RARB: variants seen among roughly 807,000 people sequenced by gnomAD.
RARB encodes retinoic acid receptor beta.
A neutral mutation model predicts 51.9 loss-of-function variants in RARB; 17 were observed. That is an observed-to-expected ratio of 0.33 (90% CI 0.22 to 0.49). The LOEUF (loss-of-function observed/expected upper bound fraction) is 0.49, where lower values mean the gene tolerates loss of function less well. Among genes scored for constraint, RARB ranks in the 20% least tolerant of loss-of-function variants. The pLI is 0.99. For missense variants in RARB, 369 were observed against 550.8 expected (o/e 0.67, Z 3.30); for synonymous variants, 215 against 195.4 (o/e 1.10, Z -0.84).
intron 2 of RARB, among the ~76,000 whole-genome samples, chr3:24,958,298 T>C (rs1271496975): frequency 7.6e-6 from 1 of 131,610 alleles, no homozygotes; most frequent in East Asian, 2.6e-4. Context: ...TTAGCTGTCA[T>C]GGAGCCCTCA....
chr3:25,418,778 A>C (rs991211645), intron 5 of RARB, among the ~76,000 whole-genome samples: 6 of 152,270 alleles, frequency 3.9e-5, no homozygotes, highest in Admixed American at 1.3e-4. Flanking sequence ...GAAAACATCA[A>C]GCATAAGGAA....
rs565726637 is a variant in RARB, at chr3:25,237,012, A to C, written c.178+62437A>C. Among the ~76,000 whole-genome samples the C allele has an allele frequency of 2.7e-5, 4 of 146,386 alleles. No individual in the cohort carries two copies. The South Asian group carries it at 9.0e-4, about 33-fold the overall frequency. On this transcript the variant is annotated intron_variant, in intron 5 of 11. Coordinates refer to the RARB transcript ENST00000383772. Reference sequence around the variant, plus strand: ...GTTGTTGGTCTTCCAGAACTGAGTCAGTCAACTGTGCACTTGTATTTTGGT... The same window carrying C: ...GTTGTTGGTCTTCCAGAACTGAGTCCGTCAACTGTGCACTTGTATTTTGGT...
At chr3:24,942,749 A>C (rs1193980212) in intron 2 of RARB, among the ~76,000 whole-genome samples, 1 of 152,200 alleles carries the variant, frequency 6.6e-6, no homozygotes, top group Non-Finnish European at 1.5e-5. Context: ...TGTCAAGAGC[A>C]TTAGTGGCAT....
chr3:24,875,496 G>A (rs1446097293), intron 2 of RARB, among the ~76,000 whole-genome samples: 43 of 152,114 alleles, frequency 2.8e-4, no homozygotes, highest in Non-Finnish European at 1.5e-5. Context: ...GGTTTATTAT[G>A]AGAATTGAAT....
rs112362162 is a variant in RARB at position 25,175,567 on chromosome 3, G to A, written c.178+992G>A. ...CTACATCCTTAGCTCACCGAAAGCA[G>A]GGAGCTTGTTCTACCTAAGTAGAAT... is the stretch of plus-strand genomic sequence containing the variant. On this transcript the variant is annotated intron_variant, in intron 5 of 11. Transcript: ENST00000383772. 4.5e-3 allele frequency among the ~76,000 whole-genome samples: 687 copies of A among 152,324 alleles called. 7 individuals are homozygous for A. Among genetic ancestry groups the A allele is most frequent in the African/African-American group, 0.016 (645 of 41,568 alleles).
At chr3:25,164,814 C>T (rs1045180150) in intron 4 of RARB, among the ~76,000 whole-genome samples, 2 of 152,150 alleles carry the variant, frequency 1.3e-5, no homozygotes, top group African/African-American at 4.8e-5. Flanking sequence ...CTGTTTTTAA[C>T]TCTCTATCTT....
chr3:25,397,790 G>T (rs759195118), intron 5 of RARB, among the ~76,000 whole-genome samples: 14 of 151,694 alleles, frequency 9.2e-5, no homozygotes, highest in Non-Finnish European at 2.1e-4. Context: ...GCCTCAGTGG[G>T]CCTTAATCTC....
At chr3:24,911,750 C>G (rs765436334) in intron 2 of RARB, among the ~76,000 whole-genome samples, 6 of 152,080 alleles carry the variant, frequency 3.9e-5, no homozygotes, top group Non-Finnish European at 8.8e-5. Context: ...GCCAGGAGTT[C>G]AAGATCAGCC....
intron 5 of RARB, among the ~76,000 whole-genome samples, chr3:25,183,323 A>G (rs1575202570): frequency 6.6e-6 from 1 of 152,100 alleles, no homozygotes; most frequent in African/African-American, 2.4e-5. Context: ...GACAGCTACA[A>G]GTCCGTGATT....
chr3:25,158,713 G>A (rs1038823587), intron 4 of RARB, among the ~76,000 whole-genome samples: 1 of 152,066 alleles, frequency 6.6e-6, no homozygotes, highest in Non-Finnish European at 1.5e-5. Context: ...ACATAGATCT[G>A]CACATTTCAG....
chr3:24,941,316 G>GT (rs1695661121), intron 2 of RARB, among the ~76,000 whole-genome samples: 1 of 151,894 alleles, frequency 6.6e-6, no homozygotes, highest in Non-Finnish European at 1.5e-5. Context: ...TTCAAAAAAC[G>GT]TAATTCTTAA....
chr3:25,402,033 C>T (rs907889244), intron 5 of RARB, among the ~76,000 whole-genome samples: 2 of 152,158 alleles, frequency 1.3e-5, no homozygotes, highest in Non-Finnish European at 2.9e-5. Context: ...ACCTCGGCTT[C>T]CCAAAGTGCT....
chr3:25,192,246 A>C (rs999776183), intron 5 of RARB, among the ~76,000 whole-genome samples: 3 of 152,160 alleles, frequency 2.0e-5, no homozygotes, highest in African/African-American at 7.2e-5. Context: ...ACTGAAGCAT[A>C]GTAGCCTCTT....
chr3:25,093,202 A>G lies in RARB; in HGVS notation c.-328+33026A>G, dbSNP rs547980720. ...TGGTTATTTTATTTTTTGTTCAATG[A>G]TCCAGCATTATATAAAGCTGTCTGA... On this transcript the variant is annotated intron_variant, in intron 3 of 11. Coordinates refer to the RARB transcript ENST00000383772. 4.9e-4 allele frequency among the ~76,000 whole-genome samples: 74 copies of G among 152,286 alleles called. 1 individual carries two copies. The South Asian group carries it at 0.015, about 30-fold the overall frequency.
intron 5 of RARB, among the ~76,000 whole-genome samples, chr3:25,379,630 A>G (rs1320045290): frequency 6.6e-6 from 1 of 152,174 alleles, no homozygotes; most frequent in African/African-American, 2.4e-5. Flanking sequence ...ACAAAGAGCT[A>G]TTTGCCTTGG....
At chr3:24,904,013 G>A (rs1033751322) in intron 2 of RARB, among the ~76,000 whole-genome samples, 2 of 152,164 alleles carry the variant, frequency 1.3e-5, no homozygotes, top group Non-Finnish European at 2.9e-5. Context: ...GTTTCTACCT[G>A]TGTCTTGTGG....
chr3:25,091,034 T>TG (rs528096868), intron 3 of RARB, among the ~76,000 whole-genome samples: 166 of 152,300 alleles, frequency 1.1e-3, no homozygotes, highest in African/African-American at 3.9e-3. Context: ...ATTATTTAAT[T>TG]GGGGAATGGG....
intron 3 of RARB, among the ~76,000 whole-genome samples, chr3:25,131,407 T>C (rs1212666846): frequency 6.6e-6 from 1 of 152,046 alleles, no homozygotes; most frequent in East Asian, 1.9e-4. Flanking sequence ...TGGCAAAGCC[T>C]TGTTTCTTTT....
intron 5 of RARB, among the ~76,000 whole-genome samples, chr3:25,330,750 T>C (rs1276379386): frequency 6.6e-6 from 1 of 152,138 alleles, no homozygotes; most frequent in Non-Finnish European, 1.5e-5. Flanking sequence ...CCCATCAGTG[T>C]GCTGTATTCA....
Sources: gnomAD v4.1 joint callset for allele counts (sites outside exome capture counted in the v4.1 genomes callset) on GRCh38, gnomAD v4.1.1 for gene constraint, MANE v1.5 for transcripts, NCBI Gene and HGNC (gene_info 2026-07-23, HGNC 2026-07-21) for gene names.